FAT4: variants seen among roughly 807,000 people sequenced by gnomAD.
The protein encoded by FAT4 is protocadherin Fat 4.
In FAT4, 84 loss-of-function variants were observed where a neutral mutation model predicts 303.9. The observed-to-expected ratio is 0.28, with a 90% CI of 0.23 to 0.33. The LOEUF (loss-of-function observed/expected upper bound fraction) is 0.33, where lower values mean the gene tolerates loss of function less well. FAT4 is among the 10% of genes least tolerant of loss of function. The pLI is 1.00. For synonymous variants in FAT4, 2,307 were observed against 2,298.8 expected (o/e 1.00, Z -0.10); for missense variants, 6,005 against 6,146.8 (o/e 0.98, Z 0.77).
At chr4:125,355,985 GT>G (rs905764465) in intron 2 of FAT4, among the ~76,000 whole-genome samples, 5 of 151,688 alleles carry the variant, frequency 3.3e-5, no homozygotes, top group African/African-American at 4.8e-5. Flanking sequence ...TTTGGATCAT[GT>G]TTTTTTTCTG....
intron 10 of FAT4, among the ~76,000 whole-genome samples, chr4:125,453,461 C>A (rs1416407528): frequency 6.6e-6 from 1 of 152,110 alleles, no homozygotes; most frequent in African/African-American, 2.4e-5. Context: ...GTAATCCCAG[C>A]ACTTTGGAAG....
intron 10 of FAT4, among the ~76,000 whole-genome samples, chr4:125,458,235 T>A (rs549141395): frequency 4.6e-4 from 70 of 152,166 alleles, no homozygotes; most frequent in African/African-American, 1.6e-3. Flanking sequence ...TCAGGAAAGA[T>A]GAGGTTTGTT....
At chr4:125,336,855 G>A (rs1731596305) in intron 2 of FAT4, among the ~76,000 whole-genome samples, 1 of 151,894 alleles carries the variant, frequency 6.6e-6, no homozygotes, top group Non-Finnish European at 1.5e-5. Flanking sequence ...GGCAGAACTA[G>A]AGTGATAGGC....
At chr4:125,455,222 G>T (rs1327379708) in intron 10 of FAT4, among the ~76,000 whole-genome samples, 1 of 152,190 alleles carries the variant, frequency 6.6e-6, no homozygotes, top group African/African-American at 2.4e-5. Context: ...TGAAGAAAGT[G>T]CAAATGTATT....
At chr4:125,349,136 A>G (rs1211430157) in intron 2 of FAT4, among the ~76,000 whole-genome samples, 1 of 151,834 alleles carries the variant, frequency 6.6e-6, no homozygotes, top group Admixed American at 6.6e-5. Flanking sequence ...TCTATGGAAG[A>G]AAATATAAAA....
chr4:125,446,475 T>A lies in FAT4; in HGVS notation c.7382T>A (p.Val2461Asp). The stretch of plus-strand genomic sequence containing the variant: ...AGTGTGCTTGTCACTGTGACTGATG[T>A]CAATGACAATCCACCAAGATTTCAG... ...STSVLVTVTDVNDNPPRFQHH... is the reference protein window; with the variant it reads ...STSVLVTVTDDNDNPPRFQHH... Residue 2461 changes from valine (V) to aspartate (D), a missense_variant, in exon 9 of 18, where the codon GTC becomes GAC. Transcript: ENST00000394329. The A allele has an allele frequency of 6.2e-7, 1 of 1,613,396 alleles. No homozygotes were observed. Among genetic ancestry groups the A allele is most frequent in the Non-Finnish European group, 8.5e-7 (1 of 1,179,434 alleles).
chr4:125,450,839 G>T lies in FAT4; in HGVS notation c.9829G>T (p.Asp3277Tyr), dbSNP rs775681328. Residue 3277 changes from aspartate (D) to tyrosine (Y), a missense_variant, in exon 10 of 18, where the codon GAT (aspartate) becomes TAT (tyrosine). By Grantham distance (160) the Asp-to-Tyr change is radical. Coordinates refer to ENST00000394329, the MANE Select transcript of FAT4 (RefSeq NM_001291303.3). Reference protein sequence around the residue: ...HLTVKAFNVPDEERCSFATVN... With the variant: ...HLTVKAFNVPYEERCSFATVN... ...TACTGTGAAAGCCTTCAATGTCCCC[G>T]ATGAGGAAAGGTGTAGCTTTGCCAC... The T allele has an allele frequency of 1.2e-6, 2 of 1,614,064 alleles. No homozygotes were observed. The highest frequency in any genetic ancestry group is 1.7e-6 in the Non-Finnish European group (2 of 1,180,000).
At chr4:125,413,461 C>T (rs908591405) in intron 5 of FAT4, among the ~76,000 whole-genome samples, 1 of 151,816 alleles carries the variant, frequency 6.6e-6, no homozygotes, top group Non-Finnish European at 1.5e-5. Context: ...AAATAAACTA[C>T]GCTTTCAACG....
At chr4:125,322,238 T>C (rs1455965384) in intron 2 of FAT4, among the ~76,000 whole-genome samples, 1 of 152,150 alleles carries the variant, frequency 6.6e-6, no homozygotes, top group Non-Finnish European at 1.5e-5. Context: ...AGGCATGCAA[T>C]GGGCTGTGAA....
rs779333365 is a variant in FAT4 at position 125,416,518 on chromosome 4, A to G, written c.6914A>G (p.Asp2305Gly). The change falls in exon 7 of 18, where the codon GAC (aspartate) becomes GGC (glycine). Residue 2305 changes from aspartate (D) to glycine (G), a missense_variant. By Grantham distance (94) the Asp-to-Gly change is moderately conservative. Coordinates refer to ENST00000394329, the MANE Select transcript of FAT4 (RefSeq NM_001291303.3). ...LSYVLFGGNEDNAFTLSASGE... is the reference protein window; with the variant it reads ...LSYVLFGGNEGNAFTLSASGE... The stretch of plus-strand genomic sequence containing the variant: ...TATGTTCTGTTTGGTGGTAATGAAG[A>G]CAATGCTTTTACTCTCTCAGCCAGT... 6.2e-7 allele frequency: 1 copy of G among 1,613,924 alleles called. No homozygotes were observed. Among genetic ancestry groups the G allele is most frequent in the African/African-American group, 1.3e-5 (1 of 74,910 alleles).
At chr4:125,360,920 A>T (rs1230450056) in intron 2 of FAT4, among the ~76,000 whole-genome samples, 3 of 130,658 alleles carry the variant, frequency 2.3e-5, no homozygotes, top group East Asian at 2.3e-4. Context: ...TTTATTATTT[A>T]TTTTATTTAT....
At chr4:125,424,713 T>C (rs1725027908) in intron 7 of FAT4, among the ~76,000 whole-genome samples, 1 of 152,174 alleles carries the variant, frequency 6.6e-6, no homozygotes. Context: ...CAGCTTAAAT[T>C]ACAATCACAA....
intron 2 of FAT4, among the ~76,000 whole-genome samples, chr4:125,391,152 G>A (rs1038840086): frequency 3.9e-5 from 6 of 152,082 alleles, no homozygotes; most frequent in Non-Finnish European, 1.5e-5. Context: ...ATTTGACCCA[G>A]CAATCCCATT....
At chr4:125,468,432 A>G in intron 11 of FAT4, 80 bp from the exon 12 acceptor site, 1 of 1,041,740 alleles carries the variant, frequency 9.6e-7, no homozygotes, top group Non-Finnish European at 1.3e-6. Context: ...TCATTTTATA[A>G]TTCAAAAATA....
intron 2 of FAT4, among the ~76,000 whole-genome samples, chr4:125,334,424 T>C (rs1466671435): frequency 6.6e-6 from 1 of 152,100 alleles, no homozygotes; most frequent in East Asian, 1.9e-4. Context: ...CTATAACCTT[T>C]CTTTTTTCAT....
rs188934368 is a variant in FAT4, at chr4:125,415,637, A to C, written c.6674A>C (p.Tyr2225Ser). 1.2e-6 allele frequency: 2 copies of C among 1,613,964 alleles called. No homozygotes were observed. The highest frequency in any genetic ancestry group is 1.7e-6 in the Non-Finnish European group (2 of 1,179,944). The change falls in exon 6 of 18, where the codon TAC (tyrosine) becomes TCC (serine). Residue 2225 changes from tyrosine to serine, a missense_variant. Tyr to Ser is a moderately radical substitution (Grantham distance 144). Transcript: ENST00000394329. ...TTGGATAGAGAAAAGACCCCTACCT[A>C]CCATTTAACTGTTCAGGCAACAGAT... ...KPLDREKTPT[Y>S]HLTVQATDRG...
chr4:125,403,511 A>G (rs563162892), intron 3 of FAT4, among the ~76,000 whole-genome samples: 143 of 151,836 alleles, frequency 9.4e-4, no homozygotes, highest in Non-Finnish European at 1.6e-3. Context: ...TCCTATCTCT[A>G]TCTATTCTAA....
chr4:125,356,559 T>G (rs1187224431), intron 2 of FAT4, among the ~76,000 whole-genome samples: 2 of 149,224 alleles, frequency 1.3e-5, no homozygotes, highest in Non-Finnish European at 3.0e-5. Flanking sequence ...GTTTTTTTTT[T>G]TTTTTTGCCA....
intron 16 of FAT4, among the ~76,000 whole-genome samples, chr4:125,483,954 T>C (rs1279161929): frequency 2.6e-5 from 2 of 75,914 alleles, no homozygotes; most frequent in Non-Finnish European, 5.9e-5. Flanking sequence ...TTTTTTTTTT[T>C]TTGGCTCCTT....
Sources: gnomAD v4.1 joint callset for allele counts (sites outside exome capture counted in the v4.1 genomes callset) on GRCh38, gnomAD v4.1.1 for gene constraint, MANE v1.5 for transcripts, NCBI Gene and HGNC (gene_info 2026-07-23, HGNC 2026-07-21) for gene names.